DMXL1: variants seen among roughly 807,000 people sequenced by gnomAD.
The protein encoded by DMXL1 is Dmx like 1, also known as dmX-like protein 1.
A neutral mutation model predicts 319.2 loss-of-function variants in DMXL1; 99 were observed. The observed-to-expected ratio is 0.31, with a 90% CI of 0.26 to 0.37. DMXL1 has a LOEUF of 0.37. Among genes scored for constraint, DMXL1 ranks in the 10% least tolerant of loss-of-function variants. The pLI, the probability that DMXL1 is intolerant of heterozygous loss-of-function variation, is 1.00. For missense variants in DMXL1, 3,745 were observed against 3,595.6 expected (o/e 1.04, Z -1.06); for synonymous variants, 1,385 against 1,235.2 (o/e 1.12, Z -2.54).
In DMXL1 at chr5:119,196,364, T is replaced by C. The variant is rs757347181; in HGVS notation, c.7458-7T>C. ...AGTTAACAGATCCATCGTTGCTTTATTTTTAGTTGGTCCTTGATGCGGTTG... is the reference window on the plus strand; with the variant it reads ...AGTTAACAGATCCATCGTTGCTTTACTTTTAGTTGGTCCTTGATGCGGTTG... On this transcript the variant is annotated splice_polypyrimidine_tract_variant and splice_region_variant and intron_variant, in intron 30 of 43. Coordinates refer to ENST00000539542, the MANE Select transcript of DMXL1 (RefSeq NM_001290321.3). The C allele has an allele frequency of 1.6e-5, 26 of 1,612,180 alleles. No homozygotes were observed. The highest frequency in any genetic ancestry group is 2.2e-5 in the Non-Finnish European group (26 of 1,178,358).
chr5:119,226,035 C>G (rs1785489004), intron 38 of DMXL1, among the ~76,000 whole-genome samples: 1 of 152,030 alleles, frequency 6.6e-6, no homozygotes, highest in South Asian at 2.1e-4. Context: ...TCTCTCAGTC[C>G]CATACCATGT....
chr5:119,109,775 A>G (rs1759163237), intron 4 of DMXL1, among the ~76,000 whole-genome samples: 1 of 152,150 alleles, frequency 6.6e-6, no homozygotes, highest in Non-Finnish European at 1.5e-5. Context: ...GTGGGCTTCC[A>G]TAAAGCTTTG....
chr5:119,114,579 A>C (rs1403963193), intron 6 of DMXL1, 38 bp downstream of exon 6: 1 of 1,397,062 alleles, frequency 7.2e-7, no homozygotes, highest in Non-Finnish European at 1.0e-6. Flanking sequence ...TTATGTGTTT[A>C]TAGTTTACTT....
At chr5:119,117,840 A>G (rs75865804) in intron 7 of DMXL1, among the ~76,000 whole-genome samples, 4,224 of 152,290 alleles carry the variant, frequency 0.028, 184 homozygotes, top group African/African-American at 0.096. Flanking sequence ...TCAGTTAGGT[A>G]AGTTTAACAA....
intron 13 of DMXL1, among the ~76,000 whole-genome samples, chr5:119,142,406 G>A (rs1209125389): frequency 6.6e-6 from 1 of 151,290 alleles, no homozygotes; most frequent in African/African-American, 2.4e-5. Context: ...GAAGACATAC[G>A]TGTGGCAACA....
chr5:119,187,399 A>G (rs1361662774), intron 28 of DMXL1, among the ~76,000 whole-genome samples: 2 of 152,298 alleles, frequency 1.3e-5, no homozygotes, highest in South Asian at 2.1e-4. Context: ...AACACCCAGC[A>G]GCTATAGTTT....
At chr5:119,078,707 C>G (rs769437583) in intron 1 of DMXL1, among the ~76,000 whole-genome samples, 2 of 152,154 alleles carry the variant, frequency 1.3e-5, no homozygotes, top group East Asian at 3.9e-4. Context: ...CCACCTTGGC[C>G]TCTCAAAATG....
intron 32 of DMXL1, among the ~76,000 whole-genome samples, chr5:119,199,482 A>C (rs1780281498): frequency 6.6e-6 from 1 of 152,088 alleles, no homozygotes; most frequent in Non-Finnish European, 1.5e-5. Context: ...ATGAGCGTTT[A>C]GGTTCCATTT....
chr5:119,167,154 T>TA (rs1773596076), intron 22 of DMXL1, among the ~76,000 whole-genome samples: 2 of 152,104 alleles, frequency 1.3e-5, no homozygotes, highest in African/African-American at 4.8e-5. Flanking sequence ...TAGTAAACCT[T>TA]AAAAAAATTA....
chr5:119,149,506 C>A lies in DMXL1; in HGVS notation c.3679C>A (p.Leu1227Ile). Reference protein sequence around the residue: ...VSLSWVRDGILVVGMDCEMHV... With the variant: ...VSLSWVRDGIIVVGMDCEMHV... ...TTTATCGTGGGTCCGGGATGGCATCCTTGTGGTAGGAATGGACTGTGAAAT... is the reference window on the plus strand; with the variant it reads ...TTTATCGTGGGTCCGGGATGGCATCATTGTGGTAGGAATGGACTGTGAAAT... The change falls in exon 18 of 44, where the codon CTT (leucine) becomes ATT (isoleucine). Residue 1227 changes from leucine (L) to isoleucine (I), a missense_variant. By Grantham distance (5) the Leu-to-Ile change is conservative (BLOSUM62 2). This residue lies in a region of DMXL1 where 2,096 missense variants were observed against 1,985.4 expected (regional missense o/e 1.06). Transcript: ENST00000539542. 1 of 1,613,926 alleles carries A rather than the reference C, an allele frequency of 6.2e-7. No homozygotes were observed. Among genetic ancestry groups the A allele is most frequent in the Non-Finnish European group, 8.5e-7 (1 of 1,179,892 alleles).
At chr5:119,225,083 A>G (rs1326186324) in intron 38 of DMXL1, among the ~76,000 whole-genome samples, 1 of 151,968 alleles carries the variant, frequency 6.6e-6, no homozygotes, top group African/African-American at 2.4e-5. Flanking sequence ...ATCTTTGAAC[A>G]TTTCTGGATT....
intron 6 of DMXL1, 66 bp downstream of exon 6, chr5:119,114,607 C>T: frequency 1.0e-6 from 1 of 980,246 alleles, no homozygotes; most frequent in Non-Finnish European, 1.6e-6. Flanking sequence ...TTAAAAACAT[C>T]AACTGGCTTC....
chr5:119,075,517 G>A (rs1473430529), intron 1 of DMXL1, among the ~76,000 whole-genome samples: 2 of 151,964 alleles, frequency 1.3e-5, no homozygotes, highest in Non-Finnish European at 2.9e-5. Context: ...GGGATTACAG[G>A]CGTGAGCCAC....
At chr5:119,188,469 CATT>C (rs1778141266) in intron 28 of DMXL1, among the ~76,000 whole-genome samples, 1 of 152,132 alleles carries the variant, frequency 6.6e-6, no homozygotes, top group African/African-American at 2.4e-5. Context: ...TAAAACTTAG[CATT>C]AAGTTTTTGA....
intron 32 of DMXL1, 101 bp downstream of exon 32, chr5:119,198,057 C>T: frequency 3.8e-6 from 4 of 1,050,524 alleles, no homozygotes; most frequent in Admixed American, 3.7e-5. Flanking sequence ...GGCACAATCT[C>T]AGCTCACTGC....
At chr5:119,073,348 C>T (rs1280379624) in intron 1 of DMXL1, among the ~76,000 whole-genome samples, 2 of 152,194 alleles carry the variant, frequency 1.3e-5, no homozygotes, top group Non-Finnish European at 2.9e-5. Context: ...AGGCGTGAGC[C>T]ACCATGCCCA....
At chr5:119,072,553 T>A (rs568582726) in intron 1 of DMXL1, among the ~76,000 whole-genome samples, 2 of 152,298 alleles carry the variant, frequency 1.3e-5, no homozygotes, top group South Asian at 4.1e-4. Flanking sequence ...AAAATAAAAG[T>A]AAAACTTAAT....
chr5:119,078,547 CTCAA>C (rs1424332715), intron 1 of DMXL1, among the ~76,000 whole-genome samples: 3 of 152,162 alleles, frequency 2.0e-5, no homozygotes, highest in African/African-American at 4.8e-5. Context: ...ATCTCCTAGG[CTCAA>C]TCAGTCTTCC....
intron 5 of DMXL1, among the ~76,000 whole-genome samples, chr5:119,111,187 G>GA (rs1435687759): frequency 6.9e-6 from 1 of 145,574 alleles, no homozygotes; most frequent in Admixed American, 7.3e-5. Context: ...ATGTGAGATG[G>GA]AAAAAATTTC....
Sources: gnomAD v4.1 joint callset for allele counts (sites outside exome capture counted in the v4.1 genomes callset) on GRCh38, gnomAD v4.1.1 for gene constraint, gnomAD v4.1.1 regional missense constraint, MANE v1.5 for transcripts, NCBI Gene and HGNC (gene_info 2026-07-23, HGNC 2026-07-21) for gene names.